Variants in TLN2 observed in about 807,000 individuals in gnomAD.
The protein encoded by TLN2 is talin 2, also known as talin-2.
TLN2 carries 118 observed loss-of-function variants against 294.7 expected under a neutral mutation model. That is an observed-to-expected ratio of 0.40 (90% confidence interval 0.34 to 0.47). The LOEUF is 0.47. TLN2 is among the 20% of genes least tolerant of loss of function. The pLI is 0.84. For synonymous variants in TLN2, 1,431 were observed against 1,304.5 expected, an observed-to-expected ratio of 1.10 and a Z score of -2.09; for missense variants, 3,083 against 3,282.2, an observed-to-expected ratio of 0.94 and a Z score of 1.48.
chr15:62,521,347 A>G (rs2040446924), intron 1 of TLN2, among the ~76,000 whole-genome samples: 1 of 152,080 alleles, frequency 6.6e-6, no homozygotes, highest in Admixed American at 6.6e-5. Flanking sequence ...TAACCAAAAA[A>G]CCTAACTCTG....
chr15:62,674,674 G>C (rs2055937781), intron 10 of TLN2, among the ~76,000 whole-genome samples: 2 of 151,506 alleles, frequency 1.3e-5, no homozygotes, highest in South Asian at 4.2e-4. Context: ...GCTAATTTTT[G>C]TTTTTTCAGT....
chr15:62,452,632 TCTA>T (rs2036228607), intron 1 of TLN2, among the ~76,000 whole-genome samples: 1 of 152,170 alleles, frequency 6.6e-6, no homozygotes, highest in Non-Finnish European at 1.5e-5. Context: ...CAACCACCAG[TCTA>T]CTTTGTCTTT....
At chr15:62,406,814 C>G (rs547880105) in intron 1 of TLN2, among the ~76,000 whole-genome samples, 1 of 152,220 alleles carries the variant, frequency 6.6e-6, no homozygotes, top group Non-Finnish European at 1.5e-5. Flanking sequence ...TTTCTGTGTT[C>G]AAATTTCCAC....
intron 1 of TLN2, among the ~76,000 whole-genome samples, chr15:62,427,249 G>A (rs1029776257): frequency 2.0e-5 from 3 of 152,222 alleles, no homozygotes; most frequent in Non-Finnish European, 2.9e-5. Context: ...GTCTGAAGAG[G>A]AGGGCTGGGA....
rs903050273 is a variant in TLN2, at chr15:62,631,504, T to TTC, written c.-37+13031_-37+13032dup. On this transcript the variant is annotated intron_variant, in intron 3 of 58. Transcript: ENST00000636159. Reference sequence around the variant, plus strand: ...TTTTCTTTCTTTCTTTCTTCCTCTTTTCTTTCTTTCTTTCTTCCTTTCCTT... The same window carrying TTC: ...TTTTCTTTCTTTCTTTCTTCCTCTTTTCTCTTTCTTTCTTTCTTCCTTTCCTT... 2.2e-4 allele frequency among the ~76,000 whole-genome samples: 31 copies of TTC among 143,946 alleles called. No homozygotes were observed. In the East Asian group the frequency reaches 6.3e-3, roughly 29 times the overall value. The allele number at this position is 143,946 out of a possible 152,430, so 94.4% of individuals were successfully genotyped here.
intron 54 of TLN2, among the ~76,000 whole-genome samples, chr15:62,825,361 T>C (rs1334822896): frequency 6.6e-6 from 1 of 152,140 alleles, no homozygotes; most frequent in African/African-American, 2.4e-5. Context: ...GTTGTTTGAA[T>C]TGATGTGATT....
At chr15:62,639,533 G>A (rs2050766734) in intron 3 of TLN2, among the ~76,000 whole-genome samples, 1 of 152,228 alleles carries the variant, frequency 6.6e-6, no homozygotes, top group African/African-American at 2.4e-5. Context: ...CCATAAGGGA[G>A]AACTGAGGGA....
intron 57 of TLN2, chr15:62,838,214 G>T (rs1223523480): frequency 6.6e-6 from 1 of 152,244 alleles, no homozygotes; most frequent in Non-Finnish European, 1.5e-5. Context: ...TCCACAGAGG[G>T]GTAGCCCTTC....
At chr15:62,619,784 A>G (rs2048621562) in intron 3 of TLN2, among the ~76,000 whole-genome samples, 1 of 152,160 alleles carries the variant, frequency 6.6e-6, no homozygotes, top group Non-Finnish European at 1.5e-5. Flanking sequence ...GCGTGTTCCC[A>G]CTGAAACCTG....
Position 62,716,408 on chromosome 15 carries a change from C to G in TLN2, c.2712C>G (p.Thr904=). Residue 904 remains threonine (T), a synonymous_variant, in exon 23 of 59, where the codon ACC becomes ACG. Coordinates refer to ENST00000636159, the MANE Select transcript of TLN2 (RefSeq NM_015059.3). The stretch of plus-strand genomic sequence containing the variant: ...CTGCAGAAGGCCTCCGGGTAGCAAC[C>G]AACGCAGCTGCCCAGAATGCTATTA... ...REAAEGLRVA[T]NAAAQNAIKK... The G allele has an allele frequency of 6.2e-7, 1 of 1,611,984 alleles. No individual in the cohort carries two copies. Among genetic ancestry groups the G allele is most frequent in the South Asian group, 1.1e-5 (1 of 90,740 alleles).
intron 1 of TLN2, among the ~76,000 whole-genome samples, chr15:62,479,495 G>C (rs1048500005): frequency 6.6e-6 from 1 of 150,530 alleles, no homozygotes; most frequent in African/African-American, 2.4e-5. Context: ...ATTTTTTTTT[G>C]AGACAGAGTC....
chr15:62,607,201 C>T (rs2047526076), intron 2 of TLN2, among the ~76,000 whole-genome samples: 1 of 152,264 alleles, frequency 6.6e-6, no homozygotes, highest in African/African-American at 2.4e-5. Flanking sequence ...TCTCTTTCCT[C>T]TGGGGAAAAG....
At chr15:62,809,063 G>T (rs1052332326) in intron 51 of TLN2, among the ~76,000 whole-genome samples, 6 of 152,298 alleles carry the variant, frequency 3.9e-5, no homozygotes, top group East Asian at 1.9e-4. Context: ...ATGTATTTCT[G>T]CAAGCCCCTC....
chr15:62,555,329 C>G (rs1366970682), intron 1 of TLN2, among the ~76,000 whole-genome samples: 1 of 152,040 alleles, frequency 6.6e-6, no homozygotes, highest in Admixed American at 6.5e-5. Context: ...TGAAGTGTTC[C>G]TTTATATTAA....
chr15:62,677,806 C>CATTTTTTTTTTTTTTTTT (rs2056394162), intron 11 of TLN2, among the ~76,000 whole-genome samples: 1 of 75,252 alleles, frequency 1.3e-5, no homozygotes, highest in Non-Finnish European at 2.4e-5. Context: ...GCACTTGCAA[C>CATTTTTTTTTTTTTTTTT]TTTTTTTTTT....
chr15:62,820,660 TG>T (rs1428041910), intron 54 of TLN2, 50 bp downstream of exon 54: 9 of 1,587,738 alleles, frequency 5.7e-6, no homozygotes, highest in Non-Finnish European at 7.7e-6. Flanking sequence ...GTTCTTCCAG[TG>T]GGTGGCTGTG....
At chr15:62,679,209 T>A (rs2056560025) in intron 11 of TLN2, among the ~76,000 whole-genome samples, 1 of 152,180 alleles carries the variant, frequency 6.6e-6, no homozygotes, top group Non-Finnish European at 1.5e-5. Flanking sequence ...TGGAAAACAG[T>A]CTGTCATTTC....
intron 19 of TLN2, 40 bp downstream of exon 19, chr15:62,702,904 A>T: frequency 6.3e-7 from 1 of 1,582,368 alleles, no homozygotes; most frequent in South Asian, 1.1e-5. Context: ...AAAGAAGTCT[A>T]AGTGATGGTC....
chr15:62,640,067 C>A (rs2050836483), intron 3 of TLN2: 3 of 434,766 alleles, frequency 6.9e-6, no homozygotes, highest in Non-Finnish European at 9.2e-6. Flanking sequence ...TGAGCCCAGA[C>A]TGTCCTGCCG....
Sources: gnomAD v4.1 joint callset for allele counts (sites outside exome capture counted in the v4.1 genomes callset) on GRCh38, gnomAD v4.1.1 for gene constraint, MANE v1.5 for transcripts, NCBI Gene and HGNC (gene_info 2026-07-23, HGNC 2026-07-21) for gene names.